EIF2AK2: variants seen among roughly 807,000 people sequenced by gnomAD.
EIF2AK2 encodes the protein eukaryotic translation initiation factor 2 alpha kinase 2, also known as interferon-induced, double-stranded RNA-activated protein kinase.
A neutral mutation model predicts 70.5 loss-of-function variants in EIF2AK2; 40 were observed. The observed-to-expected ratio is 0.57, with a 90% CI of 0.44 to 0.74. The LOEUF is 0.74. Among genes scored for constraint, EIF2AK2 ranks in the 30% least tolerant of loss-of-function variants. The probability of loss-of-function intolerance (pLI) is 0.00; values close to 1 mark genes in which losing one functional copy is unlikely to be tolerated. For missense variants in EIF2AK2, 555 were observed against 644.3 expected (o/e 0.86, Z 1.50); for synonymous variants, 198 against 220.9 (o/e 0.90, Z 0.92).
Position 37,121,112 on chromosome 2 carries a change from A to T in EIF2AK2, c.1068-973T>A, listed in dbSNP as rs573010765. 3.4e-5 allele frequency among the ~76,000 whole-genome samples: 5 copies of T among 149,088 alleles called. 1 individual carries two copies. In the Admixed American group the frequency reaches 3.4e-4, roughly 10 times the overall value. ...TCCCGTCTCTACTAAAAATACAAAA[A>T]ATTAGCCGGGCGTGGTGGCGGGCGC... is the stretch of plus-strand genomic sequence containing the variant. On this transcript the variant is annotated intron_variant, in intron 12 of 16. Transcript: ENST00000233057.
Position 37,138,256 on chromosome 2 carries a change from G to A in EIF2AK2, c.687+14C>T. 1 of 1,587,938 alleles carries A rather than the reference G, an allele frequency of 6.3e-7. No homozygotes were observed. The highest frequency in any genetic ancestry group is 8.6e-7 in the Non-Finnish European group (1 of 1,160,816). On this transcript the variant is annotated intron_variant, in intron 8 of 16. Transcript: ENST00000233057. ...AATAAGATTAAGTAGGAAGCTTCGA[G>A]ACTAATACGATACCATAAGCAACGA... is the stretch of plus-strand genomic sequence containing the variant.
Position 37,146,888 on chromosome 2 carries a change from T to A in EIF2AK2, c.205A>T (p.Lys69Ter). The change falls in exon 4 of 17, where the codon AAA (lysine) becomes TAA (stop). Residue 69 changes from lysine to a stop codon, truncating the protein, a stop_gained. Transcript: ENST00000233057. LOFTEE classifies it high-confidence loss of function. ...TTATTAAGTATCTCAACAGCTAATT[T>A]GGCTGCGGCATTTTTTGCTTCCTTC... is the stretch of plus-strand genomic sequence containing the variant. ...SKKEAKNAAA[K>*]LAVEILNKEK... 1 of 1,614,036 alleles carries A rather than the reference T, an allele frequency of 6.2e-7. No homozygotes were observed. The highest frequency in any genetic ancestry group is 2.2e-5 in the East Asian group (1 of 44,864).
chr2:37,101,436 T>C lies in EIF2AK2; in HGVS notation c.*5837A>G, dbSNP rs1034750323. On this transcript the variant is annotated 3_prime_UTR_variant, in exon 17 of 17. Coordinates refer to ENST00000233057, the MANE Select transcript of EIF2AK2 (RefSeq NM_001135651.3). ...GCTGCTAAAACCATCAGGTGAAAGA[T>C]TGATGAGAAACTTTGTAGTAGTTGG... 1.6e-4 allele frequency: 24 copies of C among 152,314 alleles called. No homozygotes were observed. The highest frequency in any genetic ancestry group is 5.1e-4 in the African/African-American group (21 of 41,574). The allele number at this position is 152,314 out of a possible 1,614,324, so 9.4% of individuals were successfully genotyped here.
At chr2:37,109,668 C>T (rs953638404) in intron 14 of EIF2AK2, among the ~76,000 whole-genome samples, 2 of 152,152 alleles carry the variant, frequency 1.3e-5, no homozygotes, top group African/African-American at 4.8e-5. Context: ...CTGGAAACAA[C>T]TCAAAGGACC....
intron 1 of EIF2AK2, among the ~76,000 whole-genome samples, chr2:37,156,482 G>T (rs13008681): frequency 0.41 from 62,174 of 151,904 alleles, 13,485 homozygotes; most frequent in East Asian, 0.77. Context: ...ACTCTCCACG[G>T]AAGAGATTTT....
Position 37,114,339 on chromosome 2 carries a change from A to T in EIF2AK2, c.1377+392T>A, listed in dbSNP as rs1229872285. 3.3e-5 allele frequency among the ~76,000 whole-genome samples: 5 copies of T among 152,112 alleles called. No homozygotes were observed. The South Asian group carries it at 8.3e-4, about 25-fold the overall frequency. On this transcript the variant is annotated intron_variant, in intron 14 of 16. Coordinates refer to ENST00000233057, the MANE Select transcript of EIF2AK2 (RefSeq NM_001135651.3). ...AACAACAACAAAAAATATTAAATTT[A>T]AAAAAATAGTTAAATTATGGTATCT...
Position 37,148,908 on chromosome 2 carries a change from T to C in EIF2AK2, c.-68A>G. On this transcript the variant is annotated 5_prime_UTR_variant, in exon 2 of 17. Coordinates refer to ENST00000233057, the MANE Select transcript of EIF2AK2 (RefSeq NM_001135651.3). ...ACGCAGATAATCACGGAAGTGTGGATGTTGATTCTGAAGACCGCCAGAGAA... is the reference window on the plus strand; with the variant it reads ...ACGCAGATAATCACGGAAGTGTGGACGTTGATTCTGAAGACCGCCAGAGAA... 1.2e-6 allele frequency: 1 copy of C among 825,390 alleles called. No individual in the cohort carries two copies. The highest frequency in any genetic ancestry group is 1.3e-5 in the South Asian group (1 of 75,000). The allele number at this position is 825,390 out of a possible 1,614,324, so 51.1% of individuals were successfully genotyped here.
rs1202041765 is a variant in EIF2AK2, at chr2:37,149,235, G to C, written c.-183-212C>G. 2.8e-5 allele frequency: 30 copies of C among 1,087,518 alleles called. No individual in the cohort carries two copies. In the East Asian group the frequency reaches 6.4e-4, roughly 23 times the overall value. The allele number at this position is 1,087,518 out of a possible 1,614,324, so 67.4% of individuals were successfully genotyped here. A position where few individuals can be genotyped will look rare whatever the true frequency, so the allele number is the denominator to read the frequency against. ...TGTGGAGCTGAATGCCACTGTGACC[G>C]CAAGTCACAAAGTATGAGCAAACTG... On this transcript the variant is annotated intron_variant, in intron 1 of 16. Transcript: ENST00000233057.
intron 1 of EIF2AK2, among the ~76,000 whole-genome samples, chr2:37,149,497 G>C (rs2148714869): frequency 1.3e-5 from 2 of 152,182 alleles, no homozygotes; most frequent in South Asian, 4.2e-4. Flanking sequence ...TCAGTAGTCA[G>C]CATTAAGCCT....
chr2:37,147,197 G>A (rs1426840203), intron 3 of EIF2AK2, among the ~76,000 whole-genome samples: 1 of 152,072 alleles, frequency 6.6e-6, no homozygotes, highest in Non-Finnish European at 1.5e-5. Flanking sequence ...GCTCCACCAT[G>A]GTTCCCACTT....
At chr2:37,143,523 T>C (rs1485622414) in intron 4 of EIF2AK2, among the ~76,000 whole-genome samples, 1 of 152,196 alleles carries the variant, frequency 6.6e-6, no homozygotes. Flanking sequence ...AAAAAAATGA[T>C]GGTTGCATCT....
At chr2:37,114,613 A>G in intron 14 of EIF2AK2, 118 bp downstream of exon 14, 1 of 879,876 alleles carries the variant, frequency 1.1e-6, no homozygotes, top group Admixed American at 3.3e-5. Flanking sequence ...AAAGAATGGT[A>G]AGGAAAATTT....
chr2:37,110,155 C>T (rs890883732), intron 14 of EIF2AK2, among the ~76,000 whole-genome samples: 24 of 151,964 alleles, frequency 1.6e-4, no homozygotes, highest in African/African-American at 4.8e-4. Context: ...ACAGCAGCCC[C>T]CACCTCCCAG....
In EIF2AK2 at chr2:37,147,702, A is replaced by G. The variant is rs1439730474; in HGVS notation, c.105T>C (p.Pro35=). ...TAGCAACCTACCTCCTATCATGTGG[A>G]GGTCCTGAATTAGGCAGTTCTTGAT... ...LKYQELPNSG[P]PHDRRFTFQV... Residue 35 remains proline (P), a synonymous_variant, in exon 3 of 17, where the codon CCT becomes CCC. Coordinates refer to ENST00000233057, the MANE Select transcript of EIF2AK2 (RefSeq NM_001135651.3). The G allele has an allele frequency of 3.7e-6, 6 of 1,610,982 alleles. No homozygotes were observed. The highest frequency in any genetic ancestry group is 5.1e-6 in the Non-Finnish European group (6 of 1,177,652).
chr2:37,138,634 C>T, intron 6 of EIF2AK2, 49 bp from the exon 7 acceptor site: 3 of 1,536,920 alleles, frequency 2.0e-6, no homozygotes, highest in South Asian at 1.1e-5. Flanking sequence ...CTAATTATTT[C>T]TCTACAGAGG....
At chr2:37,118,992 CCAAAG>C (rs1674440406) in intron 13 of EIF2AK2, among the ~76,000 whole-genome samples, 1 of 152,056 alleles carries the variant, frequency 6.6e-6, no homozygotes, top group African/African-American at 2.4e-5. Flanking sequence ...GGAATTACAA[CCAAAG>C]GGGGCAGGCA....
chr2:37,100,593 T>G lies in EIF2AK2; in HGVS notation c.*6680A>C, dbSNP rs558835758. The G allele has an allele frequency of 6.6e-6, 1 of 152,356 alleles. No homozygotes were observed. Among genetic ancestry groups the G allele is most frequent in the African/African-American group, 2.4e-5 (1 of 41,584 alleles). 9.4% of individuals were successfully genotyped at this position (152,356 alleles called of 1,614,324 possible). Reference sequence around the variant, plus strand: ...TGATTCCCTTCATCTATGACTATTTTTAAGAAATGTAAGATTTGGATAAGT... The same window carrying G: ...TGATTCCCTTCATCTATGACTATTTGTAAGAAATGTAAGATTTGGATAAGT... On this transcript the variant is annotated 3_prime_UTR_variant, in exon 17 of 17. Coordinates refer to ENST00000233057, the MANE Select transcript of EIF2AK2 (RefSeq NM_001135651.3).
Position 37,154,855 on chromosome 2 carries a change from C to T in EIF2AK2, c.-184+2053G>A, listed in dbSNP as rs182767351. Among the ~76,000 whole-genome samples the T allele has an allele frequency of 6.2e-3, 942 of 152,202 alleles. 5 individuals are homozygous for T. Among genetic ancestry groups the T allele is most frequent in the Non-Finnish European group, 8.9e-3 (606 of 68,008 alleles). ...GCGATTACAGGCATGAGCCATGGCA[C>T]CTGGGCCTGGTTTTCTTCTGTTCTG... On this transcript the variant is annotated intron_variant, in intron 1 of 16. Coordinates refer to ENST00000233057, the MANE Select transcript of EIF2AK2 (RefSeq NM_001135651.3).
intron 11 of EIF2AK2, among the ~76,000 whole-genome samples, chr2:37,122,865 CAAGAT>C (rs1453382030): frequency 6.6e-6 from 1 of 152,120 alleles, no homozygotes; most frequent in Non-Finnish European, 1.5e-5. Flanking sequence ...TTCTCACTCT[CAAGAT>C]AAAATAAAAG....
Sources: gnomAD v4.1 joint callset for allele counts (sites outside exome capture counted in the v4.1 genomes callset) on GRCh38, gnomAD v4.1.1 for gene constraint, MANE v1.5 for transcripts, NCBI Gene and HGNC (gene_info 2026-07-23, HGNC 2026-07-21) for gene names.